The following ARHGEF10L variants were observed in gnomAD, a reference collection of about 807,000 sequenced individuals.
The protein encoded by ARHGEF10L is rho guanine nucleotide exchange factor 10-like protein.
A neutral mutation model predicts 141.2 loss-of-function variants in ARHGEF10L; 69 were observed. That is an observed-to-expected ratio of 0.49 (90% CI 0.40 to 0.60). The LOEUF is 0.60. Among genes scored for constraint, ARHGEF10L ranks in the 20% least tolerant of loss-of-function variants. ARHGEF10L has a pLI of 0.00. For synonymous variants in ARHGEF10L, 711 were observed against 718.5 expected (o/e 0.99, Z 0.17); for missense variants, 1,482 against 1,734.3 (o/e 0.85, Z 2.58).
intron 1 of ARHGEF10L, among the ~76,000 whole-genome samples, chr1:17,569,823 A>G (rs930255938): frequency 6.6e-6 from 1 of 152,206 alleles, no homozygotes; most frequent in African/African-American, 2.4e-5. Flanking sequence ...TGCCGGCCAC[A>G]TGCTTCTGAC....
intron 26 of ARHGEF10L, among the ~76,000 whole-genome samples, chr1:17,680,970 G>T (rs1395573817): frequency 6.6e-6 from 1 of 151,992 alleles, no homozygotes; most frequent in African/African-American, 2.4e-5. Context: ...TTTTAGTAGA[G>T]ACATGTTGGC....
At chr1:17,513,789 TTCTTTCTTTTTTTC>T in the ARHGEF10L span, among the ~76,000 whole-genome samples, 1 of 152,118 alleles carries the variant, frequency 6.6e-6, no homozygotes, top group African/African-American at 2.4e-5. Flanking sequence ...TACATGGAAA[TTCTTTCTTTTTTTC>T]TCTTTCTTTT....
chr1:17,524,420 C>A, the ARHGEF10L span, among the ~76,000 whole-genome samples: 1 of 137,574 alleles, frequency 7.3e-6, no homozygotes, highest in Non-Finnish European at 1.6e-5. Flanking sequence ...CACACACACA[C>A]AAAATTAGCC....
At position 17,697,163 on chromosome 1, in the gene ARHGEF10L, G is replaced by A. The variant is rs749987496; in HGVS notation, c.3623G>A (p.Gly1208Asp). The change falls in exon 29 of 29, where the codon GGC becomes GAC. Residue 1208 changes from glycine (G) to aspartate (D), a missense_variant. Coordinates refer to ENST00000361221, the MANE Select transcript of ARHGEF10L (RefSeq NM_018125.4). The surrounding 1 kb of genome is among the most constrained non-coding windows in gnomAD (Gnocchi z 4.8). Reference protein sequence around the residue: ...GAALEHSEEDGSIYEMADDPD... With the variant: ...GAALEHSEEDDSIYEMADDPD... ...GCTTTGGAGCACAGCGAGGAGGACG[G>A]CTCCATTTACGAGATGGCCGACGAC... is the stretch of plus-strand genomic sequence containing the variant. The A allele has an allele frequency of 6.2e-7, 1 of 1,611,956 alleles. No homozygotes were observed. Among genetic ancestry groups the A allele is most frequent in the South Asian group, 1.1e-5 (1 of 90,988 alleles).
chr1:17,546,251 T>C (rs998029623), intron 1 of ARHGEF10L, among the ~76,000 whole-genome samples: 1 of 152,174 alleles, frequency 6.6e-6, no homozygotes, highest in African/African-American at 2.4e-5. Context: ...AAAAAATCCA[T>C]GTTAATATCA....
At chr1:17,569,182 C>A (rs2077886916) in intron 1 of ARHGEF10L, among the ~76,000 whole-genome samples, 1 of 152,206 alleles carries the variant, frequency 6.6e-6, no homozygotes, top group African/African-American at 2.4e-5. Context: ...CCTGGAGGAA[C>A]TGGTGGGAGG....
chr1:17,635,115 C>G, intron 18 of ARHGEF10L, 99 bp downstream of exon 18: 1 of 1,427,664 alleles, frequency 7.0e-7, no homozygotes, highest in Non-Finnish European at 9.5e-7. Flanking sequence ...CTTGGGGACC[C>G]CTACATAGGC....
At chr1:17,561,351 G>A (rs1196592295) in intron 1 of ARHGEF10L, among the ~76,000 whole-genome samples, 3 of 152,160 alleles carry the variant, frequency 2.0e-5, no homozygotes, top group Non-Finnish European at 4.4e-5. Context: ...AGAAGCGGGC[G>A]TCAGCTCCAC....
intron 7 of ARHGEF10L, among the ~76,000 whole-genome samples, chr1:17,608,975 G>C (rs1055764805): frequency 6.6e-6 from 1 of 152,126 alleles, no homozygotes; most frequent in Non-Finnish European, 1.5e-5. Context: ...TAGAGATGGG[G>C]TTTCGTCATG....
chr1:17,524,969 C>A, the ARHGEF10L span, among the ~76,000 whole-genome samples: 1 of 152,186 alleles, frequency 6.6e-6, no homozygotes, highest in Non-Finnish European at 1.5e-5. Flanking sequence ...GGCCTGCTCC[C>A]ATTTTTTCCT....
Position 17,623,203 on chromosome 1 carries a change from C to A in ARHGEF10L, c.1200+28C>A. The A allele has an allele frequency of 6.2e-7, 1 of 1,605,502 alleles. No individual in the cohort carries two copies. The highest frequency in any genetic ancestry group is 1.1e-5 in the South Asian group (1 of 90,284). ...AAGTGTCCCCAAACTTTTTCCCCAG[C>A]CCACCAAGGTAAAACCACAACCAGT... On this transcript the variant is annotated intron_variant, in intron 12 of 28. Transcript: ENST00000361221. This position sits in a 1 kb window ranked among gnomAD's most constrained non-coding sequence, Gnocchi z 4.7.
At chr1:17,581,135 T>C (rs1025815194) in intron 2 of ARHGEF10L, among the ~76,000 whole-genome samples, 4 of 151,260 alleles carry the variant, frequency 2.6e-5, no homozygotes, top group African/African-American at 9.7e-5. Context: ...GCCAACATGG[T>C]GAAATCCCAT....
In ARHGEF10L at chr1:17,666,381, AG is replaced by A. The variant is rs1337864111; in HGVS notation, c.3009+1789del. Reference sequence around the variant, plus strand: ...TACCCAGCCCAGCTCCTTAGACAGAAGGGAGAGGCAGTGCCATGTGCAGGAC... The same window carrying A: ...TACCCAGCCCAGCTCCTTAGACAGAAGGAGAGGCAGTGCCATGTGCAGGAC... On this transcript the variant is annotated intron_variant, in intron 26 of 28. Coordinates refer to ENST00000361221, the MANE Select transcript of ARHGEF10L (RefSeq NM_018125.4). 6.6e-5 allele frequency among the ~76,000 whole-genome samples: 10 copies of A among 152,072 alleles called. No homozygotes were observed. In the East Asian group the frequency reaches 1.9e-3, roughly 30 times the overall value.
At chr1:17,515,705 C>T in the ARHGEF10L span, among the ~76,000 whole-genome samples, 1 of 151,830 alleles carries the variant, frequency 6.6e-6, no homozygotes, top group Non-Finnish European at 1.5e-5. Context: ...TACAGTGATA[C>T]AATCATGGCT....
At chr1:17,551,876 A>G (rs1183330203) in intron 1 of ARHGEF10L, among the ~76,000 whole-genome samples, 1 of 151,994 alleles carries the variant, frequency 6.6e-6, no homozygotes, top group Non-Finnish European at 1.5e-5. Context: ...ATGGTGAGTA[A>G]CCCCAGGGAG....
At chr1:17,596,518 C>T (rs1040888326) in intron 4 of ARHGEF10L, among the ~76,000 whole-genome samples, 1 of 152,220 alleles carries the variant, frequency 6.6e-6, no homozygotes, top group Admixed American at 6.5e-5. Flanking sequence ...TTTCCTTTCT[C>T]ATATTTGTTA....
At chr1:17,660,201 C>T (rs961676764) in intron 25 of ARHGEF10L, among the ~76,000 whole-genome samples, 5 of 152,200 alleles carry the variant, frequency 3.3e-5, no homozygotes, top group Admixed American at 1.3e-4. Context: ...GGCATTGCCA[C>T]GCCTTGGGTG....
rs561754970 is a variant in ARHGEF10L at position 17,556,832 on chromosome 1, C to T, written c.-44+16882C>T. On this transcript the variant is annotated intron_variant, in intron 1 of 28. Transcript: ENST00000361221. ...ACTCTGAAGTCAGTAGTTCAAGGACCACTTTTTGAAAAAGGCCGTTAGACT... is the reference window on the plus strand; with the variant it reads ...ACTCTGAAGTCAGTAGTTCAAGGACTACTTTTTGAAAAAGGCCGTTAGACT... 1.3e-4 allele frequency among the ~76,000 whole-genome samples: 20 copies of T among 152,228 alleles called. No individual in the cohort carries two copies. In the South Asian group the frequency reaches 3.9e-3, roughly 30 times the overall value.
intron 1 of ARHGEF10L, among the ~76,000 whole-genome samples, chr1:17,549,502 G>A (rs1486600847): frequency 6.6e-6 from 1 of 152,134 alleles, no homozygotes; most frequent in African/African-American, 2.4e-5. Context: ...AGCTGCAGGT[G>A]GTCAGGGAGG....
Sources: allele counts gnomAD v4.1 joint callset (sites outside exome capture counted in the v4.1 genomes callset), GRCh38; gene constraint gnomAD v4.1.1; non-coding constraint Gnocchi (gnomAD v3.1); transcripts MANE v1.5; gene names NCBI Gene and HGNC (gene_info 2026-07-23, HGNC 2026-07-21).